The following ZNF483 variants were observed in gnomAD, a reference collection of about 807,000 sequenced individuals.
ZNF483 encodes zinc finger protein 483.
A neutral mutation model predicts 28.6 loss-of-function variants in ZNF483; 9 were observed. The ratio of observed to expected loss-of-function variants is 0.32; its 90% CI spans 0.19 to 0.55. The LOEUF is 0.55. Ranked by LOEUF, ZNF483 falls within the 20% of genes least tolerant of loss-of-function variation. The pLI is 0.93. For missense variants in ZNF483, 675 were observed against 871.7 expected, an observed-to-expected ratio of 0.77 and a Z score of 2.84; for synonymous variants, 322 against 306.2, an observed-to-expected ratio of 1.05 and a Z score of -0.54.
intron 2 of ZNF483, among the ~76,000 whole-genome samples, chr9:111,530,249 A>G (rs751655880): frequency 1.3e-5 from 2 of 152,226 alleles, no homozygotes; most frequent in Non-Finnish European, 2.9e-5. Context: ...GAGTTTCCAG[A>G]TAGCTAACCA....
chr9:111,573,694 G>A (rs988350177), intron 5 of ZNF483, among the ~76,000 whole-genome samples: 1 of 152,106 alleles, frequency 6.6e-6, no homozygotes, highest in African/African-American at 2.4e-5. Flanking sequence ...TGAGTCTGTT[G>A]CCAATAGGAG....
At chr9:111,528,083 A>C in intron 2 of ZNF483, 62 of 1,333,086 alleles carry the variant, frequency 4.7e-5, no homozygotes, top group African/African-American at 5.9e-5. Context: ...GTGGATGCTC[A>C]AGAAATAGTA....
In ZNF483 at chr9:111,544,377, C is replaced by G. The variant is rs1222039439; in HGVS notation, c.*1207C>G. The G allele has an allele frequency of 1.1e-5, 10 of 872,474 alleles. No homozygotes were observed. Among genetic ancestry groups the G allele is most frequent in the African/African-American group, 2.1e-5 (1 of 46,544 alleles). 54.0% of individuals were successfully genotyped at this position (872,474 alleles called of 1,614,324 possible). On this transcript the variant is annotated 3_prime_UTR_variant, in exon 6 of 6. Coordinates refer to ENST00000309235, the MANE Select transcript of ZNF483 (RefSeq NM_133464.5). The stretch of plus-strand genomic sequence containing the variant: ...GTGTGTGTGTGTGTGTGTGTGTATA[C>G]ATTGTTGCCACTATCTAAAATTAGG...
chr9:111,566,803 G>C (rs562330885), intron 5 of ZNF483, among the ~76,000 whole-genome samples: 2 of 152,280 alleles, frequency 1.3e-5, no homozygotes, highest in African/African-American at 4.8e-5. Context: ...CAAGAAGGGA[G>C]ATGTGCAATA....
At position 111,551,929 on chromosome 9, in the gene ZNF483, TTTA is replaced by T. The variant is rs1464901708; in HGVS notation, c.*8763_*8765del. 2.0e-5 allele frequency among the ~76,000 whole-genome samples: 3 copies of T among 152,232 alleles called. No individual in the cohort carries two copies. Among genetic ancestry groups the T allele is most frequent in the Admixed American group, 1.3e-4 (2 of 15,272 alleles). On this transcript the variant is annotated 3_prime_UTR_variant, in exon 6 of 6. Transcript: ENST00000309235. ...AGATTTTGCTTATTTTTTGCAGCCATTTATTACATTTAAAATTTTGTGCATATT... is the reference window on the plus strand; with the variant it reads ...AGATTTTGCTTATTTTTTGCAGCCATTTACATTTAAAATTTTGTGCATATT...
At chr9:111,574,888 A>T (rs1828990865) in intron 5 of ZNF483, 1 of 1,391,852 alleles carries the variant, frequency 7.2e-7, no homozygotes. Context: ...TAAATACTAG[A>T]GATTCAGGAG....
Position 111,553,584 on chromosome 9 carries a change from ACT to A in ZNF483, c.*10415_*10416del, listed in dbSNP as rs886619631. 6.6e-6 allele frequency among the ~76,000 whole-genome samples: 1 copy of A among 152,218 alleles called. No homozygotes were observed. Among genetic ancestry groups the A allele is most frequent in the Non-Finnish European group, 1.5e-5 (1 of 68,032 alleles). ...TCTGAACTCAAATCAATCTGTTGAT[ACT>A]GACTAGATTGGTGACGTGTTTATGT... On this transcript the variant is annotated 3_prime_UTR_variant, in exon 6 of 6. Coordinates refer to ENST00000309235, the MANE Select transcript of ZNF483 (RefSeq NM_133464.5).
At chr9:111,537,625 GTTATTA>G (rs79429165) in intron 5 of ZNF483, among the ~76,000 whole-genome samples, 4,398 of 151,864 alleles carry the variant, frequency 0.029, 111 homozygotes, top group East Asian at 0.14. Context: ...GTTTTATGCA[GTTATTA>G]TTATTATTAT....
chr9:111,533,628 C>A, intron 3 of ZNF483, 111 bp from the exon 4 acceptor site: 1 of 1,116,236 alleles, frequency 9.0e-7, no homozygotes. Context: ...CATGAAGCAC[C>A]ACTGCACTCT....
chr9:111,528,795 C>T (rs1036991090), intron 2 of ZNF483, among the ~76,000 whole-genome samples: 7 of 152,172 alleles, frequency 4.6e-5, no homozygotes, highest in African/African-American at 9.7e-5. Context: ...TGATTTGTCA[C>T]TGCAGTGTCA....
chr9:111,530,929 A>G lies in ZNF483; in HGVS notation c.467A>G (p.Lys156Arg). ...CAAGAGGAGAACTCAAAAGAGGATA[A>G]AATGGTCACTGTTTGTCCCAATACT... The part of the protein sequence containing the change: ...VSQEENSKED[K>R]MVTVCPNTES... The change falls in exon 3 of 6, where the codon AAA (lysine) becomes AGA (arginine). Residue 156 changes from lysine (K) to arginine (R), a missense_variant. Around this residue, in one of 6 missense-constraint regions of ZNF483, gnomAD observed 525 missense variants for 581.8 expected, o/e 0.90. Transcript: ENST00000309235. The G allele has an allele frequency of 6.4e-7, 1 of 1,560,146 alleles. No homozygotes were observed. The highest frequency in any genetic ancestry group is 1.2e-5 in the South Asian group (1 of 86,552).
At chr9:111,565,061 T>C (rs1308269330) in intron 5 of ZNF483, among the ~76,000 whole-genome samples, 2 of 151,122 alleles carry the variant, frequency 1.3e-5, no homozygotes, top group Non-Finnish European at 2.9e-5. Context: ...CAGGCGGAGG[T>C]TGCAGTGAAC....
chr9:111,534,979 TCC>T (rs889435693), intron 5 of ZNF483, among the ~76,000 whole-genome samples: 13 of 152,102 alleles, frequency 8.5e-5, no homozygotes, highest in Non-Finnish European at 1.9e-4. Context: ...TGCCTCGGCC[TCC>T]CAAAGTGCTG....
chr9:111,542,983 G>A lies in ZNF483; in HGVS notation c.2048G>A (p.Arg683Gln), dbSNP rs770244620. 4 of 1,614,114 alleles carry A rather than the reference G, an allele frequency of 2.5e-6. No homozygotes were observed. The highest frequency in any genetic ancestry group is 2.5e-6 in the Non-Finnish European group (3 of 1,179,996). ...AGTTCATCTCTTAATGAGCACCACC[G>A]AATTCATACAGGAGAGAAACCCTAT... ...SQSSSLNEHH[R>Q]IHTGEKPYEC... Residue 683 changes from arginine to glutamine, a missense_variant, in exon 6 of 6, where the codon CGA becomes CAA. Arg to Gln is a conservative substitution (Grantham distance 43). Around this residue, in one of 6 missense-constraint regions of ZNF483, gnomAD observed 3 missense variants for 20.7 expected, o/e 0.15. Coordinates refer to ENST00000309235, the MANE Select transcript of ZNF483 (RefSeq NM_133464.5). This position sits in a 1 kb window ranked among gnomAD's most constrained non-coding sequence, Gnocchi z 6.2.
chr9:111,543,765 C>CTTTTTTTTTCTTTT lies in ZNF483; in HGVS notation c.*604_*605insCTTTTTTTTTTTTT, dbSNP rs1827733146. The CTTTTTTTTTCTTTT allele has an allele frequency of 1.4e-6, 1 of 733,518 alleles. No individual in the cohort carries two copies. 45.4% of individuals were successfully genotyped at this position (733,518 alleles called of 1,614,324 possible). On this transcript the variant is annotated 3_prime_UTR_variant, in exon 6 of 6. Transcript: ENST00000309235. Reference sequence around the variant, plus strand: ...CTATTCAGGATGCTGGACTTCTTTTCTTTTTTTTTTCTTTTTTTTTTTTCA... The same window carrying CTTTTTTTTTCTTTT: ...CTATTCAGGATGCTGGACTTCTTTTCTTTTTTTTTCTTTTTTTTTTTTTTCTTTTTTTTTTTTCA...
chr9:111,538,313 G>C (rs1827571667), intron 5 of ZNF483, among the ~76,000 whole-genome samples: 1 of 152,160 alleles, frequency 6.6e-6, no homozygotes. Context: ...CCAGGAGTTT[G>C]AGACCAGCCT....
At chr9:111,535,415 T>C (rs544452417) in intron 5 of ZNF483, among the ~76,000 whole-genome samples, 1 of 152,310 alleles carries the variant, frequency 6.6e-6, no homozygotes, top group East Asian at 1.9e-4. Context: ...GTGGACAGCA[T>C]GCATAATAAT....
chr9:111,531,039 A>C (rs1039887948), intron 3 of ZNF483, 76 bp downstream of exon 3: 114 of 667,670 alleles, frequency 1.7e-4, no homozygotes, highest in Non-Finnish European at 2.5e-4. Flanking sequence ...AAAGATATAA[A>C]AATAAAAGGC....
chr9:111,534,293 C>G lies in ZNF483; in HGVS notation c.661C>G (p.Gln221Glu), dbSNP rs766891109. Residue 221 changes from glutamine (Q) to glutamate (E), a missense_variant, in exon 5 of 6, where the codon CAG becomes GAG. By Grantham distance (29) the Gln-to-Glu change is conservative. Transcript: ENST00000309235. ...AGTTTCAAAATTAGAGTTGATTTCC[C>G]AGCTAAAGTGGGTTGAATTGCCATG... ...FPVSKLELISQLKWVELPWLL... is the reference protein window; with the variant it reads ...FPVSKLELISELKWVELPWLL... 24 of 1,613,920 alleles carry G rather than the reference C, an allele frequency of 1.5e-5. No homozygotes were observed. The highest frequency in any genetic ancestry group is 3.3e-5 in the Admixed American group (2 of 59,980).
Sources: gnomAD v4.1 joint callset for allele counts (sites outside exome capture counted in the v4.1 genomes callset) on GRCh38, gnomAD v4.1.1 for gene constraint, gnomAD v4.1.1 regional missense constraint, Gnocchi (gnomAD v3.1) non-coding constraint, MANE v1.5 for transcripts, NCBI Gene and HGNC (gene_info 2026-07-23, HGNC 2026-07-21) for gene names.